ZNF395: variants seen among roughly 807,000 people sequenced by gnomAD.
The protein encoded by ZNF395 is HD gene regulatory region-binding protein 2.
ZNF395 carries 20 observed loss-of-function variants against 57.7 expected under a neutral mutation model. The ratio of observed to expected loss-of-function variants is 0.35; its 90% CI spans 0.24 to 0.50. ZNF395 has a LOEUF of 0.50. ZNF395 is among the 20% of genes least tolerant of loss of function. The pLI is 0.97. For missense variants in ZNF395, 606 were observed against 671.2 expected, an observed-to-expected ratio of 0.90 and a Z score of 1.07; for synonymous variants, 295 against 275.9, an observed-to-expected ratio of 1.07 and a Z score of -0.69.
intron 1 of ZNF395, among the ~76,000 whole-genome samples, chr8:28,381,064 C>G (rs895966819): frequency 1.7e-5 from 2 of 119,966 alleles, no homozygotes; most frequent in African/African-American, 5.6e-5. Context: ...TGTGTTTTGA[C>G]GGAGTCTCGC....
chr8:28,358,475 TC>T (rs1801809192), intron 3 of ZNF395, among the ~76,000 whole-genome samples: 1 of 152,132 alleles, frequency 6.6e-6, no homozygotes. Flanking sequence ...TTGCTCTGTC[TC>T]CCAGGCTGGA....
At position 28,346,863 on chromosome 8, in the gene ZNF395, G is replaced by A. The variant is rs1489900858; in HGVS notation, c.*1856C>T. ...CCAGCTCTTAATTCTCAAGGAGATC[G>A]AAGGGACAGGAAGGAGAGCCCTGCG... On this transcript the variant is annotated 3_prime_UTR_variant, in exon 10 of 10. Coordinates refer to ENST00000344423, the MANE Select transcript of ZNF395 (RefSeq NM_018660.3). 2 of 152,066 alleles carry A rather than the reference G, an allele frequency of 1.3e-5. No homozygotes were observed. The highest frequency in any genetic ancestry group is 2.4e-5 in the African/African-American group (1 of 41,396). 9.4% of individuals were successfully genotyped at this position (152,066 alleles called of 1,614,324 possible).
At chr8:28,384,307 G>A (rs968318388) in intron 1 of ZNF395, among the ~76,000 whole-genome samples, 1 of 152,150 alleles carries the variant, frequency 6.6e-6, no homozygotes, top group Non-Finnish European at 1.5e-5. Context: ...CTACTGTTCA[G>A]GATACATTCC....
In ZNF395 at chr8:28,348,593, C is replaced by T; in HGVS notation, c.*126G>A. The T allele has an allele frequency of 2.5e-6, 2 of 804,084 alleles. No individual in the cohort carries two copies. Among genetic ancestry groups the T allele is most frequent in the East Asian group, 2.6e-5 (1 of 38,446 alleles). 49.8% of individuals were successfully genotyped at this position (804,084 alleles called of 1,614,324 possible). ...ATTGCTTTAAGTGTTACACCTTAGC[C>T]AACAGAGCCCAAACTCCGTGTTTCC... On this transcript the variant is annotated 3_prime_UTR_variant, in exon 10 of 10. Transcript: ENST00000344423.
rs1001362248 is a variant in ZNF395, at chr8:28,348,777, C to CG, written c.1483dup (p.Arg495ProfsTer64). 6.2e-7 allele frequency: 1 copy of CG among 1,614,140 alleles called. No individual in the cohort carries two copies. Among genetic ancestry groups the CG allele is most frequent in the Non-Finnish European group, 8.5e-7 (1 of 1,180,028 alleles). ...CCGGCAGGCCGTGCACCACTGGTCC[C>CG]GGTGCTCGATGCCATACACCTTGCG... On this transcript the variant is annotated frameshift_variant, in exon 10 of 10. Coordinates refer to ENST00000344423, the MANE Select transcript of ZNF395 (RefSeq NM_018660.3). LOFTEE classifies it high-confidence loss of function.
chr8:28,351,422 G>T, intron 7 of ZNF395, 73 bp downstream of exon 7: 3 of 1,482,140 alleles, frequency 2.0e-6, no homozygotes, highest in South Asian at 2.7e-5. Flanking sequence ...CAGGGTGGTC[G>T]GTAGCCTGTA....
rs140900446 is a variant in ZNF395 at position 28,351,779 on chromosome 8, G to T, written c.949C>A (p.Arg317=). 1.3e-6 allele frequency: 2 copies of T among 1,576,540 alleles called. No individual in the cohort carries two copies. The highest frequency in any genetic ancestry group is 4.5e-5 in the East Asian group (2 of 44,650). The change falls in exon 7 of 10, where the codon CGG becomes AGG. Residue 317 remains arginine (R), a synonymous_variant. Transcript: ENST00000344423. The part of the protein sequence containing the change: ...GDTVDSDQFK[R]EEDFYYTEVQ... ...TCTGTGTAGTAGAAATCCTCCTCCC[G>T]CTTGAACTGATCAGAGTCCACTGTG...
chr8:28,378,531 G>A (rs1378831894), intron 1 of ZNF395, among the ~76,000 whole-genome samples: 2 of 152,172 alleles, frequency 1.3e-5, no homozygotes, highest in Non-Finnish European at 2.9e-5. Flanking sequence ...GTGAGTCAAT[G>A]CACCTCACCT....
chr8:28,381,196 C>T (rs1802105726), intron 1 of ZNF395, among the ~76,000 whole-genome samples: 1 of 152,168 alleles, frequency 6.6e-6, no homozygotes, highest in East Asian at 1.9e-4. Context: ...CGCCCACCAC[C>T]ACGCCCGGCT....
chr8:28,385,342 C>G (rs1454423946), intron 1 of ZNF395: 3 of 151,788 alleles, frequency 2.0e-5, no homozygotes, highest in Non-Finnish European at 2.9e-5. Context: ...CACTCCCAGG[C>G]AGGGAAGAAA....
chr8:28,352,786 C>T lies in ZNF395; in HGVS notation c.820-113G>A, dbSNP rs1801733446. On this transcript the variant is annotated intron_variant, in intron 5 of 9. Coordinates refer to ENST00000344423, the MANE Select transcript of ZNF395 (RefSeq NM_018660.3). This position sits in a 1 kb window ranked among gnomAD's most constrained non-coding sequence, Gnocchi z 4.0. ...TGTCCCCGGCCTGACCCAACAAAAA[C>T]CTCCAGGAAAGGGGTTCTCTGGGAC... The T allele has an allele frequency of 1.2e-6, 1 of 867,606 alleles. No individual in the cohort carries two copies. The highest frequency in any genetic ancestry group is 2.4e-5 in the Admixed American group (1 of 41,358). 53.7% of individuals were successfully genotyped at this position (867,606 alleles called of 1,614,324 possible). A position where few individuals can be genotyped will look rare whatever the true frequency, so the allele number is the denominator to read the frequency against.
chr8:28,351,509 C>T lies in ZNF395; in HGVS notation c.1219G>A (p.Asp407Asn). The part of the protein sequence containing the change: ...APGSFWHIQA[D>N]HAYQALPSFQ... ...CCGCCCCATACCTGGTATGCATGAT[C>T]TGCCTGAATGTGCCAGAAGGACCCA... The change falls in exon 7 of 10, where the codon GAT becomes AAT. Residue 407 changes from aspartate to asparagine, a missense_variant. By Grantham distance (23) the Asp-to-Asn change is conservative. Transcript: ENST00000344423. 6.2e-7 allele frequency: 1 copy of T among 1,603,664 alleles called. No individual in the cohort carries two copies. The highest frequency in any genetic ancestry group is 8.5e-7 in the Non-Finnish European group (1 of 1,172,214).
chr8:28,383,962 G>C (rs1205261229), intron 1 of ZNF395, among the ~76,000 whole-genome samples: 1 of 152,148 alleles, frequency 6.6e-6, no homozygotes, highest in Non-Finnish European at 1.5e-5. Context: ...CCCTGGCGTT[G>C]AATCAATTTC....
At chr8:28,350,906 C>T (rs1022979909) in intron 7 of ZNF395, among the ~76,000 whole-genome samples, 6 of 152,228 alleles carry the variant, frequency 3.9e-5, no homozygotes, top group African/African-American at 1.4e-4. Flanking sequence ...GTTTCTCATC[C>T]ACAAGGGCAA....
At chr8:28,351,262 G>T (rs1801678600) in intron 7 of ZNF395, among the ~76,000 whole-genome samples, 1 of 152,174 alleles carries the variant, frequency 6.6e-6, no homozygotes, top group African/African-American at 2.4e-5. Flanking sequence ...AGTTACTTAG[G>T]GATTTAGCTA....
chr8:28,353,493 G>C, intron 4 of ZNF395, 85 bp from the exon 5 acceptor site: 1 of 1,106,988 alleles, frequency 9.0e-7, no homozygotes, highest in South Asian at 1.7e-5. Flanking sequence ...TAAACATGGA[G>C]AGGAGTTCAT....
Position 28,353,169 on chromosome 8 carries a change from G to C in ZNF395, c.819+4C>G. On this transcript the variant is annotated splice_donor_region_variant and intron_variant, in intron 5 of 9. Coordinates refer to ENST00000344423, the MANE Select transcript of ZNF395 (RefSeq NM_018660.3). The stretch of plus-strand genomic sequence containing the variant: ...GGGCTCCCACTCACACCACAATCAC[G>C]TACCTTTCTTTTTCGTGGAGCTGGT... 1 of 1,613,312 alleles carries C rather than the reference G, an allele frequency of 6.2e-7. No individual in the cohort carries two copies. The highest frequency in any genetic ancestry group is 8.5e-7 in the Non-Finnish European group (1 of 1,179,764).
rs538104475 is a variant in ZNF395 at position 28,383,592 on chromosome 8, T to C, written c.-59+2801A>G. Among the ~76,000 whole-genome samples, 157 of 152,262 alleles carry C rather than the reference T, an allele frequency of 1.0e-3. 1 individual carries two copies. Among genetic ancestry groups the C allele is most frequent in the Middle Eastern group, 3.4e-3 (1 of 294 alleles). On this transcript the variant is annotated intron_variant, in intron 1 of 9. Transcript: ENST00000344423. ...CTCCTCAGGGCCCAATTGCCCACAG[T>C]TGCTTTTCCAACTTCAGGTTCAGAA...
chr8:28,371,040 C>T (rs1175237156), intron 1 of ZNF395, among the ~76,000 whole-genome samples: 1 of 152,210 alleles, frequency 6.6e-6, no homozygotes, highest in Admixed American at 6.5e-5. Flanking sequence ...CCACAAATAA[C>T]CCATGAGATT....
Sources: gnomAD v4.1 joint callset for allele counts (sites outside exome capture counted in the v4.1 genomes callset) on GRCh38, gnomAD v4.1.1 for gene constraint, Gnocchi (gnomAD v3.1) non-coding constraint, MANE v1.5 for transcripts, NCBI Gene and HGNC (gene_info 2026-07-23, HGNC 2026-07-21) for gene names.